The following KDM2A variants were observed in gnomAD, a reference collection of about 807,000 sequenced individuals.
KDM2A encodes lysine-specific demethylase 2A.
Under a neutral mutation model 137.3 loss-of-function variants are expected in KDM2A, and 3 were observed. That is an observed-to-expected ratio of 0.02 (90% confidence interval 0.01 to 0.06). The LOEUF is 0.06. KDM2A is among the 10% of genes least tolerant of loss of function. The pLI is 1.00. For synonymous variants in KDM2A, 512 were observed against 541.5 expected, an observed-to-expected ratio of 0.95 and a Z score of 0.76; for missense variants, 738 against 1,510.6, an observed-to-expected ratio of 0.49 and a Z score of 8.48.
intron 10 of KDM2A, among the ~76,000 whole-genome samples, chr11:67,226,576 G>A (rs1025932186): frequency 1.2e-4 from 19 of 152,132 alleles, no homozygotes; most frequent in Admixed American, 6.5e-4. Flanking sequence ...CAAAAAATTA[G>A]CCGGGCGTGG....
chr11:67,224,057 C>T (rs1205408735), intron 10 of KDM2A, among the ~76,000 whole-genome samples: 1 of 152,204 alleles, frequency 6.6e-6, no homozygotes, highest in African/African-American at 2.4e-5. Flanking sequence ...ATGAAAAGTA[C>T]ATCTCCTCTC....
In KDM2A at chr11:67,188,414, A is replaced by G. The variant is rs1168557673; in HGVS notation, c.307+6522A>G. Among the ~76,000 whole-genome samples, 19 of 151,348 alleles carry G rather than the reference A, an allele frequency of 1.3e-4. 2 individuals are homozygous for G. In the South Asian group the frequency reaches 4.0e-3, roughly 32 times the overall value. Reference sequence around the variant, plus strand: ...GGAGAATGGCGTGAACCCGGGAGGTAGAGCTTGCACTGAGCTGAGATCGCG... The same window carrying G: ...GGAGAATGGCGTGAACCCGGGAGGTGGAGCTTGCACTGAGCTGAGATCGCG... On this transcript the variant is annotated intron_variant, in intron 5 of 20. Transcript: ENST00000529006.
At chr11:67,177,615 C>T (rs1856998934) in intron 2 of KDM2A, among the ~76,000 whole-genome samples, 2 of 152,064 alleles carry the variant, frequency 1.3e-5, no homozygotes, top group Admixed American at 6.6e-5. Flanking sequence ...CACAGTAACA[C>T]AGATGAGCTG....
At position 67,181,147 on chromosome 11, in the gene KDM2A, A is replaced by T. The variant is rs959676867; in HGVS notation, c.182-173A>T. Among the ~76,000 whole-genome samples, 22 of 152,122 alleles carry T rather than the reference A, an allele frequency of 1.4e-4. 1 individual carries two copies. Among genetic ancestry groups the T allele is most frequent in the Non-Finnish European group, 1.0e-4 (7 of 68,026 alleles). On this transcript the variant is annotated intron_variant, in intron 3 of 20. Transcript: ENST00000529006. Reference sequence around the variant, plus strand: ...AGCGTTGCTTCTCAATGTGCTCTCCATATTTTCTAAGAGATGCTTCTTACT... The same window carrying T: ...AGCGTTGCTTCTCAATGTGCTCTCCTTATTTTCTAAGAGATGCTTCTTACT...
intron 5 of KDM2A, among the ~76,000 whole-genome samples, chr11:67,201,871 C>T (rs1314033377): frequency 6.7e-6 from 1 of 148,490 alleles, no homozygotes; most frequent in African/African-American, 2.5e-5. Context: ...GGGAGGATCA[C>T]TTGAGCCCAG....
At chr11:67,196,495 A>G (rs1039213372) in intron 5 of KDM2A, 1 of 455,712 alleles carries the variant, frequency 2.2e-6, no homozygotes, top group African/African-American at 2.0e-5. Flanking sequence ...TCAGCAGTGA[A>G]TACTTTAGCA....
At position 67,222,171 on chromosome 11, in the gene KDM2A, TAAAC is replaced by T. The variant is rs1858381505; in HGVS notation, c.957+2771_957+2774del. Among the ~76,000 whole-genome samples the T allele has an allele frequency of 3.5e-5, 4 of 113,988 alleles. 1 individual carries two copies. The highest frequency in any genetic ancestry group is 1.4e-4 in the African/African-American group (4 of 29,440). 74.8% of individuals were successfully genotyped at this position (113,988 alleles called of 152,430 possible). A position where few individuals can be genotyped will look rare whatever the true frequency, so the allele number is the denominator to read the frequency against. On this transcript the variant is annotated intron_variant, in intron 10 of 20. Coordinates refer to ENST00000529006, the MANE Select transcript of KDM2A (RefSeq NM_012308.3). ...CAATAGTGGAGGGAAGGTCAGCAGA[TAAAC>T]AAGTGAACAAAGGTCTCTGGTTTTC...
Position 67,119,502 on chromosome 11 carries a change from G to A in KDM2A, c.-631G>A, listed in dbSNP as rs1241003060. ...TTCTGCGACTGGGGAGTAGCCGGGGGGCTCGTCCCGCAGCGCGGAGCCAGA... is the reference window on the plus strand; with the variant it reads ...TTCTGCGACTGGGGAGTAGCCGGGGAGCTCGTCCCGCAGCGCGGAGCCAGA... On this transcript the variant is annotated 5_prime_UTR_variant, in exon 1 of 21. Coordinates refer to ENST00000529006, the MANE Select transcript of KDM2A (RefSeq NM_012308.3). 2.6e-5 allele frequency: 4 copies of A among 152,778 alleles called. No individual in the cohort carries two copies. Among genetic ancestry groups the A allele is most frequent in the Non-Finnish European group, 5.9e-5 (4 of 68,046 alleles). The allele number at this position is 152,778 out of a possible 1,614,324, so 9.5% of individuals were successfully genotyped here.
At chr11:67,224,450 T>C (rs2136412094) in intron 10 of KDM2A, among the ~76,000 whole-genome samples, 1 of 144,610 alleles carries the variant, frequency 6.9e-6, no homozygotes, top group East Asian at 2.1e-4. Context: ...GTACCAAAAA[T>C]TAACCCCTTT....
intron 2 of KDM2A, among the ~76,000 whole-genome samples, chr11:67,124,532 C>T (rs925772983): frequency 1.0e-4 from 15 of 144,142 alleles, no homozygotes; most frequent in African/African-American, 3.4e-4. Context: ...AGGCTGGTGT[C>T]GAACTCCTGA....
At chr11:67,124,451 A>G (rs1855670617) in intron 2 of KDM2A, among the ~76,000 whole-genome samples, 1 of 151,854 alleles carries the variant, frequency 6.6e-6, no homozygotes, top group African/African-American at 2.4e-5. Context: ...AGCTGCGATT[A>G]CAGGCGCCTG....
intron 10 of KDM2A, among the ~76,000 whole-genome samples, chr11:67,227,520 T>G (rs1241220730): frequency 6.6e-6 from 1 of 152,094 alleles, no homozygotes; most frequent in African/African-American, 2.4e-5. Context: ...GCTTTCCCAC[T>G]CAACCAAGAC....
chr11:67,244,210 A>C (rs1555099854), intron 13 of KDM2A, among the ~76,000 whole-genome samples: 1 of 152,218 alleles, frequency 6.6e-6, no homozygotes, highest in Non-Finnish European at 1.5e-5. Context: ...TTTGTGTCAG[A>C]AAAGTGTTTA....
intron 2 of KDM2A, among the ~76,000 whole-genome samples, chr11:67,173,457 A>G (rs1856917867): frequency 6.6e-6 from 1 of 151,830 alleles, no homozygotes; most frequent in African/African-American, 2.4e-5. Flanking sequence ...GGGGTTTTGC[A>G]ATATTGGCCA....
At chr11:67,203,181 T>C (rs1459172840) in intron 5 of KDM2A, among the ~76,000 whole-genome samples, 1 of 152,084 alleles carries the variant, frequency 6.6e-6, no homozygotes, top group Non-Finnish European at 1.5e-5. Context: ...ATTGTTAGCA[T>C]TTTTAGCAAT....
At chr11:67,228,269 C>A (rs1858605909) in intron 11 of KDM2A, 106 bp downstream of exon 11, 2 of 1,263,960 alleles carry the variant, frequency 1.6e-6, no homozygotes, top group South Asian at 2.9e-5. Flanking sequence ...TTTTTTAATT[C>A]ATCTACTTGG....
At chr11:67,201,193 C>CAAA (rs35150844) in intron 5 of KDM2A, among the ~76,000 whole-genome samples, 48 of 111,690 alleles carry the variant, frequency 4.3e-4, no homozygotes, top group East Asian at 1.3e-3. Flanking sequence ...GACTCTGTCT[C>CAAA]AAAAAAAAAA....
intron 2 of KDM2A, among the ~76,000 whole-genome samples, chr11:67,142,745 A>G (rs1856142578): frequency 2.6e-5 from 4 of 151,936 alleles, no homozygotes. Flanking sequence ...GAGCTCAATT[A>G]TGTATTTGTT....
chr11:67,166,286 GTGATTCTCGTGCCTCAGCC>G (rs1856742202), intron 2 of KDM2A, among the ~76,000 whole-genome samples: 1 of 150,268 alleles, frequency 6.7e-6, no homozygotes, highest in South Asian at 2.1e-4. Flanking sequence ...CTGGGTTCAA[GTGATTCTCGTGCCTCAGCC>G]TCCCAAGTAG....
Sources: gnomAD v4.1 joint callset for allele counts (sites outside exome capture counted in the v4.1 genomes callset) on GRCh38, gnomAD v4.1.1 for gene constraint, MANE v1.5 for transcripts, NCBI Gene and HGNC (gene_info 2026-07-23, HGNC 2026-07-21) for gene names.